Variants in TYW1B observed in about 807,000 individuals in gnomAD.
TYW1B encodes the protein tRNA-yW synthesizing protein 1 homolog B.
Under a neutral mutation model 86.9 loss-of-function variants are expected in TYW1B, and 73 were observed. The ratio of observed to expected loss-of-function variants is 0.84; its 90% CI spans 0.70 to 1.02. TYW1B has a LOEUF of 1.02. Among genes scored for constraint, TYW1B ranks in the 50% least tolerant of loss-of-function variants. The pLI is 0.00. For synonymous variants in TYW1B, 248 were observed against 292.8 expected, an observed-to-expected ratio of 0.85 and a Z score of 1.56; for missense variants, 637 against 827.4, an observed-to-expected ratio of 0.77 and a Z score of 2.82.
At chr7:72,577,363 G>A (rs1260501662) in intron 13 of TYW1B, among the ~76,000 whole-genome samples, 1 of 152,146 alleles carries the variant, frequency 6.6e-6, no homozygotes, top group Non-Finnish European at 1.5e-5. Flanking sequence ...AAATTTTCTT[G>A]TAATAAGACC....
chr7:72,639,122 TA>T (rs1250615515), intron 11 of TYW1B, among the ~76,000 whole-genome samples: 1 of 152,146 alleles, frequency 6.6e-6, no homozygotes, highest in Non-Finnish European at 1.5e-5. Context: ...AAAAAAGTTA[TA>T]AAAACACATT....
chr7:72,763,479 T>C (rs1787722188), intron 7 of TYW1B, among the ~76,000 whole-genome samples: 1 of 151,982 alleles, frequency 6.6e-6, no homozygotes, highest in Admixed American at 6.6e-5. Flanking sequence ...AGATGAGGTT[T>C]CACCATGTTG....
chr7:72,731,393 C>CAAAAAAAAAAAAAAAAAAAAAAAA (rs59262388), intron 8 of TYW1B, among the ~76,000 whole-genome samples: 1 of 33,052 alleles, frequency 3.0e-5, no homozygotes. Context: ...TACCAAACTG[C>CAAAAAAAAAAAAAAAAAAAAAAAA]AAAAAAAAAA....
intron 7 of TYW1B, among the ~76,000 whole-genome samples, chr7:72,764,223 T>C (rs1787734791): frequency 6.6e-6 from 1 of 152,224 alleles, no homozygotes; most frequent in East Asian, 1.9e-4. Context: ...TTCTGAATTA[T>C]TCTCTGAAAA....
At position 72,631,492 on chromosome 7, in the gene TYW1B, C is replaced by A. The variant is rs559823078; in HGVS notation, c.1507-2495G>T. Among the ~76,000 whole-genome samples the A allele has an allele frequency of 2.1e-4, 32 of 152,102 alleles. No individual in the cohort carries two copies. The East Asian group carries it at 4.1e-3, about 19-fold the overall frequency. On this transcript the variant is annotated intron_variant, in intron 11 of 13. Transcript: ENST00000620995. ...TTGCACCACTGCACTCCAGCCTGGG[C>A]AACAGAGTGAGACTCTGTCTCAAAT...
At chr7:72,719,440 C>A (rs1554456889) in intron 9 of TYW1B, among the ~76,000 whole-genome samples, 1 of 151,654 alleles carries the variant, frequency 6.6e-6, no homozygotes. Context: ...ACCAGCCTGA[C>A]CAACATGGTG....
intron 11 of TYW1B, among the ~76,000 whole-genome samples, chr7:72,655,823 G>C (rs1554443540): frequency 2.0e-5 from 3 of 152,124 alleles, no homozygotes. Flanking sequence ...ACACTGTCCA[G>C]GAGCCTGGGG....
chr7:72,819,444 T>A (rs1380727945), intron 2 of TYW1B, among the ~76,000 whole-genome samples: 1 of 152,040 alleles, frequency 6.6e-6, no homozygotes, highest in Non-Finnish European at 1.5e-5. Flanking sequence ...ATGTCTTTTA[T>A]TTTTTTGAGA....
intron 13 of TYW1B, among the ~76,000 whole-genome samples, chr7:72,614,055 C>G (rs1359288611): frequency 6.6e-6 from 1 of 151,230 alleles, no homozygotes; most frequent in Non-Finnish European, 1.5e-5. Flanking sequence ...CGAGAGAGAA[C>G]GGGAGCAAAA....
intron 11 of TYW1B, among the ~76,000 whole-genome samples, chr7:72,692,913 C>A (rs190479353): frequency 4.6e-5 from 7 of 151,964 alleles, no homozygotes; most frequent in Non-Finnish European, 1.0e-4. Flanking sequence ...GAAAAATGAG[C>A]CAGGAAATGT....
chr7:72,736,074 T>C (rs1787192451), intron 8 of TYW1B, among the ~76,000 whole-genome samples: 1 of 152,174 alleles, frequency 6.6e-6, no homozygotes, highest in African/African-American at 2.4e-5. Context: ...CCAGCACTTC[T>C]GCCACGAGAA....
At chr7:72,729,230 C>A (rs1787061497) in intron 8 of TYW1B, among the ~76,000 whole-genome samples, 1 of 152,182 alleles carries the variant, frequency 6.6e-6, no homozygotes. Context: ...TATGAATGTA[C>A]ACAAACAAGG....
intron 3 of TYW1B, among the ~76,000 whole-genome samples, chr7:72,812,920 G>C (rs563852745): frequency 2.2e-4 from 33 of 152,138 alleles, no homozygotes; most frequent in Non-Finnish European, 3.7e-4. Context: ...TCATATGCCT[G>C]AGCTCAAGCG....
chr7:72,775,801 A>C (rs1286967070), intron 7 of TYW1B, among the ~76,000 whole-genome samples: 1 of 152,166 alleles, frequency 6.6e-6, no homozygotes, highest in Non-Finnish European at 1.5e-5. Context: ...ACACAGACCT[A>C]CATGAATAGA....
chr7:72,730,424 C>T (rs1393627743), intron 8 of TYW1B, among the ~76,000 whole-genome samples: 5 of 145,572 alleles, frequency 3.4e-5, no homozygotes, highest in Admixed American at 7.0e-5. Flanking sequence ...GTGAAGAATT[C>T]GATGAATGAA....
chr7:72,698,089 T>G (rs1474117460), intron 10 of TYW1B: 1 of 153,410 alleles, frequency 6.5e-6, no homozygotes, highest in African/African-American at 2.4e-5. Context: ...AGCAATGATA[T>G]TAAAACCTAA....
At chr7:72,610,750 T>C (rs1811915535) in intron 13 of TYW1B, among the ~76,000 whole-genome samples, 1 of 152,196 alleles carries the variant, frequency 6.6e-6, no homozygotes, top group East Asian at 1.9e-4. Context: ...TAGCCAAGAC[T>C]ACAGGCACAC....
At chr7:72,612,055 CTT>C (rs1198747752) in intron 13 of TYW1B, among the ~76,000 whole-genome samples, 3 of 152,054 alleles carry the variant, frequency 2.0e-5, no homozygotes, top group Non-Finnish European at 4.4e-5. Context: ...CTCTCTCTCT[CTT>C]TCTTTCTCGA....
At chr7:72,735,624 C>T (rs1787184034) in intron 8 of TYW1B, among the ~76,000 whole-genome samples, 1 of 149,140 alleles carries the variant, frequency 6.7e-6, no homozygotes, top group South Asian at 2.1e-4. Flanking sequence ...AATCCCAGGA[C>T]TTTGGAAGGC....
Sources: gnomAD v4.1 joint callset for allele counts (sites outside exome capture counted in the v4.1 genomes callset) on GRCh38, gnomAD v4.1.1 for gene constraint, MANE v1.5 for transcripts, NCBI Gene and HGNC (gene_info 2026-07-23, HGNC 2026-07-21) for gene names.